The following CTNNA2 variants were observed in gnomAD, a reference collection of about 807,000 sequenced individuals.
CTNNA2 encodes catenin alpha 2, also known as catenin alpha-2.
CTNNA2 carries 42 observed loss-of-function variants against 101.0 expected under a neutral mutation model. The observed-to-expected ratio is 0.42, with a 90% CI of 0.32 to 0.54. CTNNA2 has a LOEUF of 0.54. Among genes scored for constraint, CTNNA2 ranks in the 20% least tolerant of loss-of-function variants. The pLI, the probability that CTNNA2 is intolerant of heterozygous loss-of-function variation, is 0.14. For synonymous variants in CTNNA2, 450 were observed against 456.4 expected, an observed-to-expected ratio of 0.99 and a Z score of 0.18; for missense variants, 871 against 1,223.1, an observed-to-expected ratio of 0.71 and a Z score of 4.29.
chr2:80,392,716 G>A (rs1050848750), intron 7 of CTNNA2, among the ~76,000 whole-genome samples: 2 of 152,122 alleles, frequency 1.3e-5, no homozygotes, highest in African/African-American at 2.4e-5. Context: ...TTCTAGTAAA[G>A]CATCTCTTTT....
intron 3 of CTNNA2, among the ~76,000 whole-genome samples, chr2:79,818,517 A>G (rs1231536798): frequency 6.6e-6 from 1 of 151,158 alleles, no homozygotes; most frequent in Non-Finnish European, 1.5e-5. Context: ...GGGTTTCACC[A>G]TGTTGGCCAG....
chr2:79,695,112 A>C (rs1032605182), intron 2 of CTNNA2, among the ~76,000 whole-genome samples: 4 of 151,252 alleles, frequency 2.6e-5, no homozygotes, highest in Non-Finnish European at 5.9e-5. Flanking sequence ...AAGAAGTACT[A>C]AGAAGATTTA....
rs34378966 is a variant in CTNNA2 at position 79,202,732 on chromosome 2, CTTTG to C, written c.-406+4676_-406+4679del. 1.0e-3 allele frequency among the ~76,000 whole-genome samples: 155 copies of C among 151,226 alleles called. 1 individual carries two copies. The highest frequency in any genetic ancestry group is 3.4e-3 in the African/African-American group (141 of 41,130). The stretch of plus-strand genomic sequence containing the variant: ...TGGAAGGGCTTATGGTTCTACGTTT[CTTTG>C]TTTGTTTGTTTGTTTGTTTTGTCTT... On this transcript the variant is annotated intron_variant, in intron 2 of 21. Transcript: ENST00000466387.
intron 1 of CTNNA2, among the ~76,000 whole-genome samples, chr2:79,555,772 C>T (rs1674406275): frequency 6.6e-6 from 1 of 152,072 alleles, no homozygotes; most frequent in Non-Finnish European, 1.5e-5. Flanking sequence ...AAACACATCT[C>T]AGTGTTACCC....
At chr2:80,448,602 C>T (rs1190690237) in intron 9 of CTNNA2, among the ~76,000 whole-genome samples, 1 of 152,164 alleles carries the variant, frequency 6.6e-6, no homozygotes, top group Non-Finnish European at 1.5e-5. Flanking sequence ...CCAGGTGATA[C>T]TAATGTACAG....
chr2:80,130,539 A>G (rs1702356628), intron 7 of CTNNA2, among the ~76,000 whole-genome samples: 1 of 152,204 alleles, frequency 6.6e-6, no homozygotes, highest in African/African-American at 2.4e-5. Context: ...TCACTTTAGT[A>G]AAAAGATGCA....
intron 2 of CTNNA2, among the ~76,000 whole-genome samples, chr2:79,279,197 A>G (rs545115522): frequency 6.6e-6 from 1 of 152,226 alleles, no homozygotes; most frequent in East Asian, 1.9e-4. Context: ...GTACTCAGGA[A>G]ATTAACTGCA....
intron 18 of CTNNA2, among the ~76,000 whole-genome samples, chr2:80,634,590 T>C (rs1384777191): frequency 6.6e-6 from 1 of 151,990 alleles, no homozygotes; most frequent in Non-Finnish European, 1.5e-5. Flanking sequence ...GTTGATAAGA[T>C]AAGTGATATT....
chr2:79,520,105 A>G (rs1204248622), intron 1 of CTNNA2, among the ~76,000 whole-genome samples: 4 of 152,178 alleles, frequency 2.6e-5, no homozygotes, highest in African/African-American at 9.7e-5. Context: ...CATTAAAATT[A>G]TTTTAGTAAA....
intron 6 of CTNNA2, among the ~76,000 whole-genome samples, chr2:79,881,770 T>C (rs572629788): frequency 6.6e-6 from 1 of 151,548 alleles, no homozygotes; most frequent in South Asian, 2.1e-4. Context: ...AATTTGCCAG[T>C]CTGTGTCTTT....
chr2:80,258,202 T>C (rs1036447104), intron 7 of CTNNA2, among the ~76,000 whole-genome samples: 1 of 152,224 alleles, frequency 6.6e-6, no homozygotes, highest in Non-Finnish European at 1.5e-5. Context: ...GCTCTATGTG[T>C]GAGCTTTTCC....
chr2:79,234,520 G>A (rs137991412), intron 2 of CTNNA2, among the ~76,000 whole-genome samples: 1 of 151,810 alleles, frequency 6.6e-6, no homozygotes, highest in Non-Finnish European at 1.5e-5. Context: ...CCTTGGGGGT[G>A]GTCATTTTTT....
intron 7 of CTNNA2, among the ~76,000 whole-genome samples, chr2:80,111,477 T>A (rs1014478779): frequency 6.6e-6 from 1 of 152,204 alleles, no homozygotes; most frequent in African/African-American, 2.4e-5. Flanking sequence ...CATTTACTTA[T>A]ATATAGAATG....
At chr2:80,631,057 TAAAG>T (rs1672235274) in intron 18 of CTNNA2, among the ~76,000 whole-genome samples, 1 of 152,210 alleles carries the variant, frequency 6.6e-6, no homozygotes, top group Non-Finnish European at 1.5e-5. Context: ...ATGTATCAGA[TAAAG>T]GAATAATGAT....
At chr2:79,618,070 T>A (rs973992278) in intron 1 of CTNNA2, among the ~76,000 whole-genome samples, 1 of 152,102 alleles carries the variant, frequency 6.6e-6, no homozygotes, top group Admixed American at 6.5e-5. Flanking sequence ...CACACACTCC[T>A]GGACCAATGA....
At chr2:79,798,625 G>A (rs1675910879) in intron 3 of CTNNA2, among the ~76,000 whole-genome samples, 1 of 144,214 alleles carries the variant, frequency 6.9e-6, no homozygotes, top group South Asian at 2.2e-4. Flanking sequence ...TTAATTGGAA[G>A]CATCTAGAAA....
chr2:79,666,092 A>G (rs1336068831), intron 2 of CTNNA2, among the ~76,000 whole-genome samples: 5 of 152,236 alleles, frequency 3.3e-5, no homozygotes, highest in Non-Finnish European at 7.3e-5. Context: ...TTTTTCAAGC[A>G]CAGTAAAAAT....
At chr2:79,866,514 T>C (rs1682110985) in intron 4 of CTNNA2, 2 of 152,156 alleles carry the variant, frequency 1.3e-5, no homozygotes, top group Non-Finnish European at 2.9e-5. Flanking sequence ...ATCCAGGACA[T>C]AAGTGTCTTC....
intron 2 of CTNNA2, among the ~76,000 whole-genome samples, chr2:79,268,893 AT>A (rs1167645449): frequency 6.6e-6 from 1 of 152,040 alleles, no homozygotes; most frequent in Non-Finnish European, 1.5e-5. Context: ...TGGACCAGTC[AT>A]TTTTTCCAAG....
Sources: gnomAD v4.1 joint callset for allele counts (sites outside exome capture counted in the v4.1 genomes callset) on GRCh38, gnomAD v4.1.1 for gene constraint, MANE v1.5 for transcripts, NCBI Gene and HGNC (gene_info 2026-07-23, HGNC 2026-07-21) for gene names.